Variants in GRK3 observed in about 807,000 individuals in gnomAD.
GRK3 encodes the protein adrenergic, beta, receptor kinase 2.
A neutral mutation model predicts 95.7 loss-of-function variants in GRK3; 54 were observed. The ratio of observed to expected loss-of-function variants is 0.56; its 90% CI spans 0.45 to 0.71. The LOEUF (loss-of-function observed/expected upper bound fraction) is 0.71, where lower values mean the gene tolerates loss of function less well. Ranked by LOEUF, GRK3 falls within the 30% of genes least tolerant of loss-of-function variation. The probability of loss-of-function intolerance (pLI) is 0.00; values close to 1 mark genes in which losing one functional copy is unlikely to be tolerated. For synonymous variants in GRK3, 281 were observed against 290.8 expected (o/e 0.97, Z 0.34); for missense variants, 649 against 851.2 (o/e 0.76, Z 2.96).
intron 16 of GRK3, among the ~76,000 whole-genome samples, chr22:25,710,637 C>T (rs990768042): frequency 1.2e-4 from 18 of 152,132 alleles, no homozygotes; most frequent in African/African-American, 4.1e-4. Context: ...AATTAGAGTC[C>T]GACCTCTGGG....
At chr22:25,708,755 G>A (rs1286940983) in intron 15 of GRK3, among the ~76,000 whole-genome samples, 2 of 151,672 alleles carry the variant, frequency 1.3e-5, no homozygotes, top group African/African-American at 2.4e-5. Flanking sequence ...TCCACCTCCC[G>A]GGTTCAAGCA....
At chr22:25,579,267 C>CT (rs1227188687) in intron 1 of GRK3, among the ~76,000 whole-genome samples, 1 of 151,570 alleles carries the variant, frequency 6.6e-6, no homozygotes, top group Non-Finnish European at 1.5e-5. Context: ...TCAACTGATC[C>CT]TCCCACATAG....
chr22:25,674,223 C>T (rs2085008343), intron 7 of GRK3, among the ~76,000 whole-genome samples: 1 of 152,142 alleles, frequency 6.6e-6, no homozygotes, highest in Non-Finnish European at 1.5e-5. Context: ...TTTGGTGCCT[C>T]GTTTATCCTG....
Position 25,614,504 on chromosome 22 carries a change from T to TTAA in GRK3, c.190+10053_190+10054insATA, listed in dbSNP as rs1218118523. On this transcript the variant is annotated intron_variant, in intron 2 of 20. Coordinates refer to ENST00000324198, the MANE Select transcript of GRK3 (RefSeq NM_005160.4). The stretch of plus-strand genomic sequence containing the variant: ...TTCTGAGTGTGTGATTGGAATACTA[T>TTAA]TAGTCCATAATTGGATTTACTATTA... 2.0e-5 allele frequency among the ~76,000 whole-genome samples: 3 copies of TTAA among 152,192 alleles called. No homozygotes were observed. The East Asian group carries it at 5.8e-4, about 29-fold the overall frequency.
At chr22:25,687,337 G>A (rs907714977) in intron 10 of GRK3, among the ~76,000 whole-genome samples, 200 bp from the exon 11 acceptor site, 1 of 152,044 alleles carries the variant, frequency 6.6e-6, no homozygotes, top group Non-Finnish European at 1.5e-5. Context: ...TCCTGTCATT[G>A]TATTTAAATC....
intron 3 of GRK3, among the ~76,000 whole-genome samples, chr22:25,651,341 ATTT>A (rs1194220093): frequency 6.6e-6 from 1 of 152,210 alleles, no homozygotes; most frequent in Non-Finnish European, 1.5e-5. Flanking sequence ...AACTATCATT[ATTT>A]ACCTGATTTA....
At chr22:25,673,630 T>TA (rs2085002841) in intron 7 of GRK3, among the ~76,000 whole-genome samples, 1 of 152,116 alleles carries the variant, frequency 6.6e-6, no homozygotes, top group South Asian at 2.1e-4. Context: ...TAGGATGTTT[T>TA]AAGGTTGTTT....
chr22:25,702,832 C>A (rs551231896), intron 13 of GRK3: 1 of 455,934 alleles, frequency 2.2e-6, no homozygotes, highest in African/African-American at 2.0e-5. Context: ...GCTTGATCCC[C>A]GCTTTACAGA....
At chr22:25,607,451 C>T (rs1021369281) in intron 2 of GRK3, among the ~76,000 whole-genome samples, 3 of 152,062 alleles carry the variant, frequency 2.0e-5, no homozygotes, top group African/African-American at 7.2e-5. Flanking sequence ...CCAGTTCCCC[C>T]ACATTGCCCC....
At chr22:25,721,452 G>T in intron 20 of GRK3, 55 bp downstream of exon 20, 1 of 988,264 alleles carries the variant, frequency 1.0e-6, no homozygotes, top group Non-Finnish European at 1.6e-6. Flanking sequence ...ATTCAGCAAA[G>T]TTGACTGCCT....
At chr22:25,647,289 A>G in intron 3 of GRK3, 2 of 1,176,620 alleles carry the variant, frequency 1.7e-6, no homozygotes, top group East Asian at 4.7e-5. Context: ...CAAAGAAAAC[A>G]AAAGTCCAGC....
At chr22:25,603,106 G>A (rs1569160136) in intron 1 of GRK3, among the ~76,000 whole-genome samples, 2 of 152,038 alleles carry the variant, frequency 1.3e-5, no homozygotes, top group African/African-American at 2.4e-5. Flanking sequence ...TAGTAGAGGC[G>A]GGGTTTTACC....
At chr22:25,708,383 C>T (rs956709603) in intron 15 of GRK3, among the ~76,000 whole-genome samples, 6 of 152,218 alleles carry the variant, frequency 3.9e-5, no homozygotes, top group South Asian at 2.1e-4. Flanking sequence ...AGGAGCAGTG[C>T]GGAGAGGGCT....
intron 13 of GRK3, among the ~76,000 whole-genome samples, chr22:25,696,952 CT>C (rs1247178865): frequency 6.6e-6 from 1 of 152,218 alleles, no homozygotes; most frequent in African/African-American, 2.4e-5. Flanking sequence ...GCCATTTCCC[CT>C]ATGAGATGCT....
At chr22:25,644,707 A>T in intron 3 of GRK3, 42 bp downstream of exon 3, 1 of 1,017,928 alleles carries the variant, frequency 9.8e-7, no homozygotes, top group South Asian at 1.5e-5. Flanking sequence ...TTTCAAAAGC[A>T]TATTTAAACT....
chr22:25,596,985 C>T (rs2084376989), intron 1 of GRK3, among the ~76,000 whole-genome samples: 1 of 152,178 alleles, frequency 6.6e-6, no homozygotes, highest in South Asian at 2.1e-4. Context: ...CATCTCCTGG[C>T]CTTGTGTTTC....
chr22:25,590,516 T>C lies in GRK3; in HGVS notation c.114-13861T>C, dbSNP rs150989048. 4.7e-3 allele frequency among the ~76,000 whole-genome samples: 717 copies of C among 152,306 alleles called. 9 individuals carry two copies. The highest frequency in any genetic ancestry group is 0.016 in the African/African-American group (678 of 41,558). On this transcript the variant is annotated intron_variant, in intron 1 of 20. Coordinates refer to ENST00000324198, the MANE Select transcript of GRK3 (RefSeq NM_005160.4). Reference sequence around the variant, plus strand: ...CAGGGTTTTACTTACTGCATCCTAATGGTGCAATTAAAACAAACAAACAGG... The same window carrying C: ...CAGGGTTTTACTTACTGCATCCTAACGGTGCAATTAAAACAAACAAACAGG...
At chr22:25,666,595 C>T (rs561698557) in intron 5 of GRK3, among the ~76,000 whole-genome samples, 1 of 152,250 alleles carries the variant, frequency 6.6e-6, no homozygotes, top group South Asian at 2.1e-4. Context: ...CCCCCTATCC[C>T]GCGTTGCCCG....
At chr22:25,700,737 G>A (rs1601536863) in intron 13 of GRK3, among the ~76,000 whole-genome samples, 3 of 151,970 alleles carry the variant, frequency 2.0e-5, no homozygotes, top group Admixed American at 6.6e-5. Context: ...ACAGGCTCCC[G>A]CCACCACTCC....
Sources: allele counts gnomAD v4.1 joint callset (sites outside exome capture counted in the v4.1 genomes callset), GRCh38; gene constraint gnomAD v4.1.1; transcripts MANE v1.5; gene names NCBI Gene and HGNC (gene_info 2026-07-23, HGNC 2026-07-21).